The following PLEKHA2 variants were observed in gnomAD, a reference collection of about 807,000 sequenced individuals.
PLEKHA2 encodes the protein pleckstrin homology domain containing A2, also known as pleckstrin homology domain-containing family A member 2.
In PLEKHA2, 28 loss-of-function variants were observed where a neutral mutation model predicts 53.2. The ratio of observed to expected loss-of-function variants is 0.53; its 90% CI spans 0.39 to 0.72. PLEKHA2 has a LOEUF of 0.72. PLEKHA2 is among the 30% of genes least tolerant of loss of function. The pLI is 0.00. For synonymous variants in PLEKHA2, 193 were observed against 196.4 expected (o/e 0.98, Z 0.14); for missense variants, 426 against 537.9 (o/e 0.79, Z 2.06).
chr8:38,963,471 C>T (rs1835075842), intron 10 of PLEKHA2, among the ~76,000 whole-genome samples: 1 of 152,150 alleles, frequency 6.6e-6, no homozygotes. Flanking sequence ...GAAAGCTAAG[C>T]ACAGGCTTTC....
chr8:38,968,926 T>A, intron 11 of PLEKHA2: 1 of 406,330 alleles, frequency 2.5e-6, no homozygotes, highest in Non-Finnish European at 4.3e-6. Context: ...TGAGACGGAG[T>A]CTCACTCTGT....
chr8:38,916,508 G>T (rs1426621255), intron 1 of PLEKHA2, among the ~76,000 whole-genome samples: 1 of 152,066 alleles, frequency 6.6e-6, no homozygotes, highest in Non-Finnish European at 1.5e-5. Context: ...AATGAGTGAG[G>T]ACATGTGATG....
intron 2 of PLEKHA2, among the ~76,000 whole-genome samples, chr8:38,931,393 G>A (rs1017543252): frequency 2.0e-5 from 3 of 152,136 alleles, no homozygotes; most frequent in African/African-American, 7.2e-5. Flanking sequence ...CCTTCATCTT[G>A]ACGCTTCCAG....
intron 2 of PLEKHA2, among the ~76,000 whole-genome samples, chr8:38,930,312 G>A (rs916537778): frequency 2.6e-5 from 4 of 151,926 alleles, no homozygotes; most frequent in African/African-American, 9.7e-5. Flanking sequence ...AGCAATTCTC[G>A]TGCCTCAGCC....
chr8:38,929,364 G>C (rs576817426), intron 2 of PLEKHA2, among the ~76,000 whole-genome samples: 1 of 152,362 alleles, frequency 6.6e-6, no homozygotes, highest in South Asian at 2.1e-4. Context: ...GCCCTGCCCA[G>C]CTTGGGCAAT....
At chr8:38,938,776 G>A (rs1450048282) in intron 3 of PLEKHA2, among the ~76,000 whole-genome samples, 2 of 152,134 alleles carry the variant, frequency 1.3e-5, no homozygotes, top group Non-Finnish European at 2.9e-5. Context: ...CTGCACTTTG[G>A]TGGCCTCACT....
intron 6 of PLEKHA2, among the ~76,000 whole-genome samples, 180 bp downstream of exon 6, chr8:38,951,170 G>A (rs940667550): frequency 4.6e-5 from 7 of 152,230 alleles, no homozygotes; most frequent in African/African-American, 1.7e-4. Context: ...GGGTGTTAGT[G>A]ACGGCAGTGC....
intron 9 of PLEKHA2, among the ~76,000 whole-genome samples, chr8:38,955,142 T>C (rs1016924086): frequency 1.3e-5 from 2 of 152,190 alleles, no homozygotes; most frequent in Non-Finnish European, 2.9e-5. Context: ...ATTTCTGAGA[T>C]TGTGGTGCAC....
At chr8:38,946,275 C>G in intron 5 of PLEKHA2, 54 bp downstream of exon 5, 1 of 1,463,244 alleles carries the variant, frequency 6.8e-7, no homozygotes, top group Admixed American at 2.0e-5. Context: ...TCTTCCCAGG[C>G]TATGGCCTTG....
chr8:38,965,427 A>T (rs910485405), intron 10 of PLEKHA2, among the ~76,000 whole-genome samples: 9 of 152,022 alleles, frequency 5.9e-5, no homozygotes, highest in Non-Finnish European at 1.3e-4. Context: ...TGATTATCGG[A>T]TTGTCATCCT....
intron 10 of PLEKHA2, among the ~76,000 whole-genome samples, chr8:38,962,287 G>A (rs73674665): frequency 0.023 from 3,529 of 152,066 alleles, 156 homozygotes; most frequent in African/African-American, 0.081. Context: ...CCAGGAGTGC[G>A]ACACCAGCCT....
At chr8:38,954,029 C>G (rs1009066584) in intron 9 of PLEKHA2, among the ~76,000 whole-genome samples, 2 of 152,188 alleles carry the variant, frequency 1.3e-5, no homozygotes, top group East Asian at 3.8e-4. Context: ...CTTTAGAGAC[C>G]CTAAGGGTAT....
chr8:38,930,418 G>C (rs1360329571), intron 2 of PLEKHA2, among the ~76,000 whole-genome samples: 1 of 152,070 alleles, frequency 6.6e-6, no homozygotes, highest in African/African-American at 2.4e-5. Context: ...TGGCCAGGCT[G>C]GTCTTGAATT....
chr8:38,960,430 G>A (rs1180612783), intron 10 of PLEKHA2, among the ~76,000 whole-genome samples: 2 of 152,014 alleles, frequency 1.3e-5, no homozygotes, highest in Non-Finnish European at 2.9e-5. Context: ...AGTTAGCTAT[G>A]ATCTCGCCAC....
At chr8:38,928,451 G>A (rs927399326) in intron 2 of PLEKHA2, among the ~76,000 whole-genome samples, 1 of 151,964 alleles carries the variant, frequency 6.6e-6, no homozygotes, top group Non-Finnish European at 1.5e-5. Flanking sequence ...GTTTCACCAT[G>A]TTGGCCAGGT....
At chr8:38,923,438 C>T (rs1431066208) in intron 2 of PLEKHA2, among the ~76,000 whole-genome samples, 1 of 152,194 alleles carries the variant, frequency 6.6e-6, no homozygotes. Context: ...AACTCCTGAC[C>T]TCAAATGATC....
chr8:38,936,882 C>T (rs1009488360), intron 3 of PLEKHA2, among the ~76,000 whole-genome samples: 1 of 152,230 alleles, frequency 6.6e-6, no homozygotes, highest in African/African-American at 2.4e-5. Flanking sequence ...TTCGGAAGTC[C>T]TGTGCTCCCC....
At chr8:38,962,993 A>G (rs1399763288) in intron 10 of PLEKHA2, among the ~76,000 whole-genome samples, 1 of 152,202 alleles carries the variant, frequency 6.6e-6, no homozygotes, top group Non-Finnish European at 1.5e-5. Flanking sequence ...TGGAGAACAG[A>G]ATGAAGGAGG....
chr8:38,942,806 G>A (rs910909345), intron 3 of PLEKHA2, among the ~76,000 whole-genome samples: 1 of 152,208 alleles, frequency 6.6e-6, no homozygotes, highest in Non-Finnish European at 1.5e-5. Flanking sequence ...GCCAGGGGTA[G>A]GATTGCCAGA....
Sources: gnomAD v4.1 joint callset for allele counts (sites outside exome capture counted in the v4.1 genomes callset) on GRCh38, gnomAD v4.1.1 for gene constraint, MANE v1.5 for transcripts, NCBI Gene and HGNC (gene_info 2026-07-23, HGNC 2026-07-21) for gene names.